The following PTPN6 variants were observed in gnomAD, a reference collection of about 807,000 sequenced individuals.
PTPN6 encodes the protein tyrosine-protein phosphatase non-receptor type 6.
In PTPN6, 18 loss-of-function variants were observed where a neutral mutation model predicts 81.5. That is an observed-to-expected ratio of 0.22 (90% CI 0.15 to 0.33). The LOEUF is 0.33. Among genes scored for constraint, PTPN6 ranks in the 10% least tolerant of loss-of-function variants. PTPN6 has a pLI of 1.00. For synonymous variants in PTPN6, 301 were observed against 310.9 expected, an observed-to-expected ratio of 0.97 and a Z score of 0.33; for missense variants, 500 against 794.2, an observed-to-expected ratio of 0.63 and a Z score of 4.45.
In PTPN6 at chr12:6,951,505, C is replaced by G. The variant is rs1555147716; in HGVS notation, c.-8C>G. ...CCTGCGCCCCCTTCCTCTCCGGAAG[C>G]CCCCAGGATGGTGAGGTAAGGGCCT... On this transcript the variant is annotated 5_prime_UTR_variant, in exon 1 of 16. Transcript: ENST00000318974. The surrounding 1 kb of genome is among the most constrained non-coding windows in gnomAD (Gnocchi z 7.2). The G allele has an allele frequency of 6.2e-7, 1 of 1,613,896 alleles. No homozygotes were observed. The highest frequency in any genetic ancestry group is 1.7e-5 in the Admixed American group (1 of 60,012).
In PTPN6 at chr12:6,955,783, C is replaced by G. The variant is rs781883040; in HGVS notation, c.844+27C>G. 1.2e-6 allele frequency: 2 copies of G among 1,601,838 alleles called. No homozygotes were observed. Among genetic ancestry groups the G allele is most frequent in the Admixed American group, 1.7e-5 (1 of 59,950 alleles). ...TGAGCACCCAGGCTGCCCCATTCAC[C>G]CAGGATACCGCCCCTGCCCCAGCTG... On this transcript the variant is annotated intron_variant, in intron 7 of 15. Coordinates refer to ENST00000318974, the MANE Select transcript of PTPN6 (RefSeq NM_002831.6). The surrounding 1 kb of genome is among the most constrained non-coding windows in gnomAD (Gnocchi z 7.2).
upstream of PTPN6, among the ~76,000 whole-genome samples, chr12:6,949,174 C>A (rs1945885473): frequency 6.6e-6 from 1 of 152,146 alleles, no homozygotes; most frequent in African/African-American, 2.4e-5. Flanking sequence ...CTTGGCCAGG[C>A]CTCCCCTGGT....
In PTPN6 at chr12:6,955,311, C is replaced by G. The variant is rs781954634; in HGVS notation, c.633+44C>G. The G allele has an allele frequency of 2.5e-6, 4 of 1,609,732 alleles. No individual in the cohort carries two copies. The highest frequency in any genetic ancestry group is 3.4e-6 in the Non-Finnish European group (4 of 1,175,988). On this transcript the variant is annotated intron_variant, in intron 5 of 15. Coordinates refer to ENST00000318974, the MANE Select transcript of PTPN6 (RefSeq NM_002831.6). The surrounding 1 kb of genome is among the most constrained non-coding windows in gnomAD (Gnocchi z 7.2). ...TGCCTCCCCACTTCCCCTGAGCTGT[C>G]CCCCAGATGTGAGCTTCTGGGATCT...
At chr12:6,950,160 G>A (rs144667358), upstream of PTPN6, among the ~76,000 whole-genome samples, 1 of 149,190 alleles carries the variant, frequency 6.7e-6, no homozygotes, top group Non-Finnish European at 1.5e-5. Flanking sequence ...AAGTTTCCCA[G>A]AAATTGTTCC....
At position 6,960,321 on chromosome 12, in the gene PTPN6, T is replaced by C. The variant is rs1206703641; in HGVS notation, c.1582-23T>C. The C allele has an allele frequency of 1.2e-6, 2 of 1,611,152 alleles. No individual in the cohort carries two copies. The highest frequency in any genetic ancestry group is 1.7e-6 in the Non-Finnish European group (2 of 1,179,474). ...CCTGGCCCTGCTGGGACCACCACCT[T>C]CCCACTGTCCCTCTGCCCACAGTCG... On this transcript the variant is annotated intron_variant, in intron 13 of 15. Transcript: ENST00000318974. The surrounding 1 kb of genome is among the most constrained non-coding windows in gnomAD (Gnocchi z 6.1).
In PTPN6 at chr12:6,951,922, G is replaced by A. The variant is rs782275246; in HGVS notation, c.132-61G>A. 5.8e-6 allele frequency: 9 copies of A among 1,556,592 alleles called. No homozygotes were observed. The highest frequency in any genetic ancestry group is 4.7e-5 in the East Asian group (2 of 42,314). On this transcript the variant is annotated intron_variant, in intron 2 of 15. Coordinates refer to ENST00000318974, the MANE Select transcript of PTPN6 (RefSeq NM_002831.6). This position sits in a 1 kb window ranked among gnomAD's most constrained non-coding sequence, Gnocchi z 7.2. Reference sequence around the variant, plus strand: ...TGTGCCCCCACCCAGGACCTCAGCCGATCCCTGCCCTCCTGCCTCTACTCC... The same window carrying A: ...TGTGCCCCCACCCAGGACCTCAGCCAATCCCTGCCCTCCTGCCTCTACTCC...
At chr12:6,953,557 A>C (rs1217305725) in intron 3 of PTPN6, 1 of 152,096 alleles carries the variant, frequency 6.6e-6, no homozygotes, top group Non-Finnish European at 1.5e-5. Flanking sequence ...GTCACCCCTG[A>C]GCCTGGGAGT....
rs778825433 is a variant in PTPN6, at chr12:6,959,668, C to T, written c.1362-259C>T. 9 of 585,054 alleles carry T rather than the reference C, an allele frequency of 1.5e-5. No homozygotes were observed. The highest frequency in any genetic ancestry group is 4.6e-4 in the Middle Eastern group (1 of 2,192). 36.2% of individuals were successfully genotyped at this position (585,054 alleles called of 1,614,324 possible). A position where few individuals can be genotyped will look rare whatever the true frequency, so the allele number is the denominator to read the frequency against. On this transcript the variant is annotated intron_variant, in intron 11 of 15. Transcript: ENST00000318974. The surrounding 1 kb of genome is among the most constrained non-coding windows in gnomAD (Gnocchi z 6.6). ...CAGCCACTCACTAGGAGTGAGGAGTCGGCGCGAGGAGTGGAGGAGGGAAGG... is the reference window on the plus strand; with the variant it reads ...CAGCCACTCACTAGGAGTGAGGAGTTGGCGCGAGGAGTGGAGGAGGGAAGG...
In PTPN6 at chr12:6,955,716, A is replaced by G. The variant is rs368935562; in HGVS notation, c.804A>G (p.Pro268=). The G allele has an allele frequency of 4.1e-5, 66 of 1,613,896 alleles. No homozygotes were observed. The highest frequency in any genetic ancestry group is 5.3e-5 in the Non-Finnish European group (63 of 1,179,992). Residue 268 remains proline (P), a synonymous_variant, in exon 7 of 16, where the codon CCA becomes CCG. Coordinates refer to ENST00000318974, the MANE Select transcript of PTPN6 (RefSeq NM_002831.6). This position sits in a 1 kb window ranked among gnomAD's most constrained non-coding sequence, Gnocchi z 7.2. ...NLHQRLEGQR[P]ENKGKNRYKN... is the part of the protein sequence containing the mutation. ...ACCAGCGTCTGGAAGGGCAGCGGCC[A>G]GAGAACAAGGGCAAGAACCGCTACA...
In PTPN6 at chr12:6,952,060, C is replaced by A. The variant is rs782531361; in HGVS notation, c.209C>A (p.Ala70Glu). 1 of 1,614,122 alleles carries A rather than the reference C, an allele frequency of 6.2e-7. No individual in the cohort carries two copies. Among genetic ancestry groups the A allele is most frequent in the Non-Finnish European group, 8.5e-7 (1 of 1,179,998 alleles). The change falls in exon 3 of 16, where the codon GCG becomes GAG. Residue 70 changes from alanine (A) to glutamate (E), a missense_variant. Physicochemically the swap from Ala to Glu is moderately radical, Grantham distance 107 (BLOSUM62 -1). Around this residue, in one of 6 missense-constraint regions of PTPN6, gnomAD observed 98 missense variants for 199.2 expected, o/e 0.49. Coordinates refer to ENST00000318974, the MANE Select transcript of PTPN6 (RefSeq NM_002831.6). This position sits in a 1 kb window ranked among gnomAD's most constrained non-coding sequence, Gnocchi z 8.1. ...GACCTGTATGGAGGGGAGAAGTTTG[C>A]GACTCTGACAGAGCTGGTGGAGTAC... ...FYDLYGGEKF[A>E]TLTELVEYYT...
Position 6,960,499 on chromosome 12 carries a change from C to G in PTPN6, c.1673+64C>G. 1.3e-6 allele frequency: 2 copies of G among 1,539,112 alleles called. No individual in the cohort carries two copies. Among genetic ancestry groups the G allele is most frequent in the Non-Finnish European group, 1.8e-6 (2 of 1,121,424 alleles). ...TTTGTCCTGCCCAGCCCGATCCTCA[C>G]TTTCTGGAGAGGACAAGTGTTGCAG... is the stretch of plus-strand genomic sequence containing the variant. On this transcript the variant is annotated intron_variant, in intron 14 of 15. Coordinates refer to ENST00000318974, the MANE Select transcript of PTPN6 (RefSeq NM_002831.6). The surrounding 1 kb of genome is among the most constrained non-coding windows in gnomAD (Gnocchi z 6.1).
Position 6,955,398 on chromosome 12 carries a change from G to T in PTPN6, c.660G>T (p.Ala220=). The T allele has an allele frequency of 1.2e-6, 2 of 1,614,148 alleles. No homozygotes were observed. The part of the protein sequence containing the change: ...RQPYYATRVN[A]ADIENRVLEL... Reference sequence around the variant, plus strand: ...CGTACTATGCCACGAGGGTGAATGCGGCTGACATTGAGAACCGAGTGTTGG... The same window carrying T: ...CGTACTATGCCACGAGGGTGAATGCTGCTGACATTGAGAACCGAGTGTTGG... Residue 220 remains alanine (A), a synonymous_variant, in exon 6 of 16, where the codon GCG becomes GCT. Transcript: ENST00000318974. This position sits in a 1 kb window ranked among gnomAD's most constrained non-coding sequence, Gnocchi z 7.2.
rs139134185 is a variant in PTPN6, at chr12:6,958,924, G to A, written c.1361+851G>A. 9.1e-3 allele frequency among the ~76,000 whole-genome samples: 1,388 copies of A among 152,324 alleles called. 9 individuals carry two copies. The highest frequency in any genetic ancestry group is 0.024 in the Middle Eastern group (7 of 294). On this transcript the variant is annotated intron_variant, in intron 11 of 15. Coordinates refer to ENST00000318974, the MANE Select transcript of PTPN6 (RefSeq NM_002831.6). Reference sequence around the variant, plus strand: ...ACCCTATCGTTGTGGCTGGAATTCCGTCAGCCCTCAAAAACTGGGCGCTGT... The same window carrying A: ...ACCCTATCGTTGTGGCTGGAATTCCATCAGCCCTCAAAAACTGGGCGCTGT...
chr12:6,950,890 A>G (rs185030426), upstream of PTPN6, among the ~76,000 whole-genome samples: 35 of 152,272 alleles, frequency 2.3e-4, no homozygotes, highest in African/African-American at 5.3e-4. Context: ...GTAAAATGAT[A>G]AAGATAGCCC....
At position 6,954,176 on chromosome 12, in the gene PTPN6, C is replaced by T. The variant is rs1945979004; in HGVS notation, c.327-629C>T. Among the ~76,000 whole-genome samples the T allele has an allele frequency of 6.6e-6, 1 of 152,172 alleles. No homozygotes were observed. Among genetic ancestry groups the T allele is most frequent in the African/African-American group, 2.4e-5 (1 of 41,438 alleles). On this transcript the variant is annotated intron_variant, in intron 3 of 15. Transcript: ENST00000318974. This position sits in a 1 kb window ranked among gnomAD's most constrained non-coding sequence, Gnocchi z 5.4. ...CAGGGCACCCCAGAACCCCCTACACCACTCTTTCCCCAGTGGGGTTGTCTT... is the reference window on the plus strand; with the variant it reads ...CAGGGCACCCCAGAACCCCCTACACTACTCTTTCCCCAGTGGGGTTGTCTT...
chr12:6,953,449 AAGAG>A (rs1248857187), intron 3 of PTPN6: 41 of 152,106 alleles, frequency 2.7e-4, no homozygotes, highest in African/African-American at 9.2e-4. Flanking sequence ...GAGAAGAGAG[AAGAG>A]AGAGAAGGAA....
chr12:6,949,420 T>C (rs1321754328), upstream of PTPN6, among the ~76,000 whole-genome samples: 1 of 152,218 alleles, frequency 6.6e-6, no homozygotes, highest in Non-Finnish European at 1.5e-5. Context: ...CCCCCGACGC[T>C]GTCTGCTGCA....
At position 6,956,098 on chromosome 12, in the gene PTPN6, C is replaced by T. The variant is rs1555148604; in HGVS notation, c.845-44C>T. The T allele has an allele frequency of 6.2e-7, 1 of 1,603,080 alleles. No individual in the cohort carries two copies. The highest frequency in any genetic ancestry group is 8.5e-7 in the Non-Finnish European group (1 of 1,169,984). On this transcript the variant is annotated intron_variant, in intron 7 of 15. Coordinates refer to ENST00000318974, the MANE Select transcript of PTPN6 (RefSeq NM_002831.6). The surrounding 1 kb of genome is among the most constrained non-coding windows in gnomAD (Gnocchi z 4.1). The stretch of plus-strand genomic sequence containing the variant: ...GGTCTGACCCAGGTGTGGTGAGTCC[C>T]TGGCTAACCCAGACCATCTCGCCTC...
rs1434080547 is a variant in PTPN6 at position 6,952,574 on chromosome 12, CAT to C, written c.326+398_326+399del. The C allele has an allele frequency of 1.3e-5, 4 of 319,298 alleles. No homozygotes were observed. The highest frequency in any genetic ancestry group is 4.3e-5 in the African/African-American group (2 of 46,716). 19.8% of individuals were successfully genotyped at this position (319,298 alleles called of 1,614,324 possible). ...CCTCCGTCTGCCCCTCACCCCAGCA[CAT>C]GTTAGGACAGTGAGGAGCTGACACT... On this transcript the variant is annotated intron_variant, in intron 3 of 15. Coordinates refer to ENST00000318974, the MANE Select transcript of PTPN6 (RefSeq NM_002831.6). The surrounding 1 kb of genome is among the most constrained non-coding windows in gnomAD (Gnocchi z 8.1).
Sources: allele counts gnomAD v4.1 joint callset (sites outside exome capture counted in the v4.1 genomes callset), GRCh38; gene constraint gnomAD v4.1.1; regional missense constraint gnomAD v4.1.1; non-coding constraint Gnocchi (gnomAD v3.1); transcripts MANE v1.5; gene names NCBI Gene and HGNC (gene_info 2026-07-23, HGNC 2026-07-21).